Variants in SETD1B observed in about 807,000 individuals in gnomAD.
SETD1B encodes SET domain containing 1B, histone lysine methyltransferase, also known as histone-lysine N-methyltransferase SETD1B.
SETD1B carries 7 observed loss-of-function variants against 148.0 expected under a neutral mutation model. The observed-to-expected ratio is 0.05, with a 90% CI of 0.03 to 0.09. The LOEUF is 0.09. SETD1B is among the 10% of genes least tolerant of loss of function. The pLI is 1.00. For missense variants in SETD1B, 2,155 were observed against 2,729.9 expected (o/e 0.79, Z 4.69); for synonymous variants, 1,361 against 1,186.5 (o/e 1.15, Z -3.02).
Position 121,810,949 on chromosome 12 carries a change from A to G in SETD1B, c.1890+114A>G. ...AAGATGCGGAAGCAATGGGGCTAGG[A>G]AAGCCAATATAACAGGTGGAACTTA... On this transcript the variant is annotated intron_variant, in intron 6 of 16. Transcript: ENST00000604567. This position sits in a 1 kb window ranked among gnomAD's most constrained non-coding sequence, Gnocchi z 7.6. 1 of 1,301,480 alleles carries G rather than the reference A, an allele frequency of 7.7e-7. No homozygotes were observed. Among genetic ancestry groups the G allele is most frequent in the Non-Finnish European group, 1.0e-6 (1 of 972,054 alleles). 80.6% of individuals were successfully genotyped at this position (1,301,480 alleles called of 1,614,324 possible). A position where few individuals can be genotyped will look rare whatever the true frequency, so the allele number is the denominator to read the frequency against.
chr12:121,823,259 C>T lies in SETD1B; in HGVS notation c.4680C>T (p.Val1560=), dbSNP rs529330415. The T allele has an allele frequency of 3.9e-5, 60 of 1,550,006 alleles. No individual in the cohort carries two copies. The African/African-American group carries it at 5.2e-4, about 13-fold the overall frequency. The change falls in exon 12 of 17, where the codon GTC becomes GTT. Residue 1560 remains valine (V), a synonymous_variant. Transcript: ENST00000604567. ...TGCCGGGCCAGCCACAGACCCCCGT[C>T]TTCCCCAGCACCCATGACCCCCGGA... The part of the protein sequence containing the change: ...LLLPGQPQTP[V]FPSTHDPRTV...
Position 121,819,490 on chromosome 12 carries a change from G to A in SETD1B, c.3505G>A (p.Glu1169Lys), listed in dbSNP as rs751377604. ...SESSEFESSSESSPSSSEDEE... is the reference protein window; with the variant it reads ...SESSEFESSSKSSPSSSEDEE... ...GTCTTCTGAGTTTGAGTCAAGCTCC[G>A]AGTCCTCGCCCTCATCCTCGGAGGA... Residue 1169 changes from glutamate (E) to lysine (K), a missense_variant, in exon 11 of 17, where the codon GAG becomes AAG. This residue lies in a region of SETD1B where 862 missense variants were observed against 873.8 expected (regional missense o/e 0.99). Coordinates refer to ENST00000604567, the MANE Select transcript of SETD1B (RefSeq NM_001353345.2). The A allele has an allele frequency of 1.2e-5, 18 of 1,552,126 alleles. No individual in the cohort carries two copies. The highest frequency in any genetic ancestry group is 1.7e-4 in the Middle Eastern group (1 of 6,018).
chr12:121,791,692 A>G, the SETD1B span, among the ~76,000 whole-genome samples: 28 of 152,244 alleles, frequency 1.8e-4, no homozygotes, highest in Middle Eastern at 3.2e-3. Context: ...GCAAGGCCAG[A>G]AAGGCCATCC....
At chr12:121,797,197 G>A in the SETD1B span, 10 of 350,954 alleles carry the variant, frequency 2.8e-5, no homozygotes, top group Non-Finnish European at 4.5e-5. Context: ...CCACCCAGAG[G>A]GTCCGAAAGG....
Position 121,817,911 on chromosome 12 carries a change from A to G in SETD1B, c.3418+7A>G, listed in dbSNP as rs745793029. The G allele has an allele frequency of 1.2e-5, 18 of 1,533,312 alleles. No individual in the cohort carries two copies. The highest frequency in any genetic ancestry group is 1.7e-4 in the Middle Eastern group (1 of 5,912). The allele number at this position is 1,533,312 out of a possible 1,614,324, so 95.0% of individuals were successfully genotyped here. A position where few individuals can be genotyped will look rare whatever the true frequency, so the allele number is the denominator to read the frequency against. ...GAAGGGGACTCGGATGAAGGTGAGC[A>G]GGGAGGCCGTGGCTGCCTGGCCCTC... On this transcript the variant is annotated splice_region_variant and intron_variant, in intron 10 of 16. Transcript: ENST00000604567. This position sits in a 1 kb window ranked among gnomAD's most constrained non-coding sequence, Gnocchi z 8.1.
At chr12:121,798,271 A>T in the SETD1B span, among the ~76,000 whole-genome samples, 2 of 152,206 alleles carry the variant, frequency 1.3e-5, no homozygotes, top group Non-Finnish European at 2.9e-5. Flanking sequence ...GCCCCTGTGG[A>T]TGGGGAAAGG....
In SETD1B at chr12:121,817,658, C is replaced by T; in HGVS notation, c.3266C>T (p.Pro1089Leu). 1 of 1,550,804 alleles carries T rather than the reference C, an allele frequency of 6.4e-7. No individual in the cohort carries two copies. Among genetic ancestry groups the T allele is most frequent in the Non-Finnish European group, 8.7e-7 (1 of 1,146,680 alleles). The change falls in exon 9 of 17, where the codon CCC becomes CTC. Residue 1089 changes from proline (P) to leucine (L), a missense_variant. By Grantham distance (98) the Pro-to-Leu change is moderately conservative. Coordinates refer to ENST00000604567, the MANE Select transcript of SETD1B (RefSeq NM_001353345.2). The surrounding 1 kb of genome is among the most constrained non-coding windows in gnomAD (Gnocchi z 8.1). ...GAGGAGGAGGAGGAGGAGGAAGTCC[C>T]CAGGAGCCAGCTCTCCTCCTCCTCA... Reference protein sequence around the residue: ...EAEEEEEEEVPRSQLSSSSTS... With the variant: ...EAEEEEEEEVLRSQLSSSSTS...
Position 121,806,110 on chromosome 12 carries a change from G to GC in SETD1B, c.544+7dup. On this transcript the variant is annotated splice_donor_region_variant and intron_variant, in intron 4 of 16. Coordinates refer to ENST00000604567, the MANE Select transcript of SETD1B (RefSeq NM_001353345.2). ...ACGTGGAGCTGGACACCAAAGGTGA[G>GC]CCTGGCAGGGGAGGAGCGTGGGGAG... 1 of 1,550,658 alleles carries GC rather than the reference G, an allele frequency of 6.4e-7. No individual in the cohort carries two copies. Among genetic ancestry groups the GC allele is most frequent in the Non-Finnish European group, 8.7e-7 (1 of 1,146,202 alleles).
In SETD1B at chr12:121,819,626, A is replaced by G; in HGVS notation, c.3641A>G (p.Glu1214Gly). 1 of 1,551,732 alleles carries G rather than the reference A, an allele frequency of 6.4e-7. No homozygotes were observed. Among genetic ancestry groups the G allele is most frequent in the Non-Finnish European group, 8.7e-7 (1 of 1,147,014 alleles). Reference protein sequence around the residue: ...AGPEDFEQDGEEAALAPGAPA... With the variant: ...AGPEDFEQDGGEAALAPGAPA... ...CCTGAGGACTTTGAGCAGGACGGGG[A>G]GGAAGCGGCTCTGGCCCCGGGGGCA... Residue 1214 changes from glutamate (E) to glycine (G), a missense_variant, in exon 11 of 17, where the codon GAG (glutamate) becomes GGG (glycine). This residue lies in a region of SETD1B where 862 missense variants were observed against 873.8 expected (regional missense o/e 0.99). Coordinates refer to ENST00000604567, the MANE Select transcript of SETD1B (RefSeq NM_001353345.2).
In SETD1B at chr12:121,814,699, A is replaced by G; in HGVS notation, c.2484A>G (p.Pro828=). ...RGPFSLSNSG[P]GRGQHWPPLP... Reference sequence around the variant, plus strand: ...CCTTCTCCCTGAGCAACTCCGGCCCAGGCCGCGGGCAGCACTGGCCACCAC... The same window carrying G: ...CCTTCTCCCTGAGCAACTCCGGCCCGGGCCGCGGGCAGCACTGGCCACCAC... Residue 828 remains proline, a synonymous_variant, in exon 7 of 17, where the codon CCA becomes CCG. Coordinates refer to ENST00000604567, the MANE Select transcript of SETD1B (RefSeq NM_001353345.2). The G allele has an allele frequency of 1.3e-6, 2 of 1,550,496 alleles. No individual in the cohort carries two copies. The highest frequency in any genetic ancestry group is 1.7e-6 in the Non-Finnish European group (2 of 1,146,884).
chr12:121,797,591 CTGAT>C, the SETD1B span: 4 of 456,484 alleles, frequency 8.8e-6, no homozygotes, highest in African/African-American at 4.0e-5. Flanking sequence ...CAACAGCTCA[CTGAT>C]TGGATCCAGG....
rs1191583434 is a variant in SETD1B at position 121,832,533 on chromosome 12, G to A, written c.*2294G>A. 1 of 170,398 alleles carries A rather than the reference G, an allele frequency of 5.9e-6. No individual in the cohort carries two copies. The highest frequency in any genetic ancestry group is 2.4e-5 in the African/African-American group (1 of 41,662). The allele number at this position is 170,398 out of a possible 1,614,324, so 10.6% of individuals were successfully genotyped here. On this transcript the variant is annotated 3_prime_UTR_variant, in exon 17 of 17. Coordinates refer to ENST00000604567, the MANE Select transcript of SETD1B (RefSeq NM_001353345.2). ...CATATGTAACTTGTTTTGAAGAGAAGTGTTTCCGTTGTGTGTCTTGATGTA... is the reference window on the plus strand; with the variant it reads ...CATATGTAACTTGTTTTGAAGAGAAATGTTTCCGTTGTGTGTCTTGATGTA...
At chr12:121,793,211 T>C in the SETD1B span, 5 of 1,550,974 alleles carry the variant, frequency 3.2e-6, no homozygotes, top group Non-Finnish European at 4.4e-6. Context: ...GCTGGCCGTG[T>C]ACTTCTCGAA....
the SETD1B span, chr12:121,793,348 C>T: frequency 2.1e-6 from 3 of 1,430,818 alleles, no homozygotes; most frequent in Non-Finnish European, 2.9e-6. Flanking sequence ...CCCCCCCTCA[C>T]CCCGCTGGGC....
intron 11 of SETD1B, 88 bp downstream of exon 11, chr12:121,819,983 C>G (rs375485406): frequency 8.9e-7 from 1 of 1,126,216 alleles, no homozygotes; most frequent in South Asian, 1.4e-5. Flanking sequence ...TGGGGTAGAT[C>G]GCTGACCGTC....
chr12:121,805,936 G>T lies in SETD1B; in HGVS notation c.375G>T (p.Lys125Asn). Residue 125 changes from lysine (K) to asparagine (N), a missense_variant, in exon 4 of 17, where the codon AAG becomes AAT. Coordinates refer to ENST00000604567, the MANE Select transcript of SETD1B (RefSeq NM_001353345.2). The surrounding 1 kb of genome is among the most constrained non-coding windows in gnomAD (Gnocchi z 4.2). The part of the protein sequence containing the change: ...RENFLRDMCK[K>N]YGEVEEVEIL... Reference sequence around the variant, plus strand: ...ACTTCCTGAGGGACATGTGCAAGAAGTATGGGGAGGTGGAGGAGGTGGAGA... The same window carrying T: ...ACTTCCTGAGGGACATGTGCAAGAATTATGGGGAGGTGGAGGAGGTGGAGA... The T allele has an allele frequency of 6.4e-7, 1 of 1,551,696 alleles. No homozygotes were observed. Among genetic ancestry groups the T allele is most frequent in the Non-Finnish European group, 8.7e-7 (1 of 1,146,988 alleles).
chr12:121,798,721 C>G, the SETD1B span, among the ~76,000 whole-genome samples: 4 of 152,298 alleles, frequency 2.6e-5, no homozygotes, highest in East Asian at 7.7e-4. Flanking sequence ...GCACAAGTCC[C>G]AAATAGGGGA....
At chr12:121,793,078 G>T in the SETD1B span, 1 of 1,313,088 alleles carries the variant, frequency 7.6e-7, no homozygotes. Context: ...GGGACACCCA[G>T]TGGGGGACGC....
At chr12:121,828,114 CT>C (rs760412606) in intron 16 of SETD1B, 44 bp downstream of exon 16, 4 of 1,544,318 alleles carry the variant, frequency 2.6e-6, no homozygotes, top group African/African-American at 2.7e-5. Context: ...GCTCCTGCCC[CT>C]GGCCCTGCTT....
Sources: gnomAD v4.1 joint callset for allele counts (sites outside exome capture counted in the v4.1 genomes callset) on GRCh38, gnomAD v4.1.1 for gene constraint, gnomAD v4.1.1 regional missense constraint, Gnocchi (gnomAD v3.1) non-coding constraint, MANE v1.5 for transcripts, NCBI Gene and HGNC (gene_info 2026-07-23, HGNC 2026-07-21) for gene names.